CSMD2: variants seen among roughly 807,000 people sequenced by gnomAD.
The protein encoded by CSMD2 is CUB and sushi domain-containing protein 2.
CSMD2 carries 130 observed loss-of-function variants against 398.5 expected under a neutral mutation model. The observed-to-expected ratio is 0.33, with a 90% confidence interval of 0.28 to 0.38. The LOEUF is 0.38. Among genes scored for constraint, CSMD2 ranks in the 10% least tolerant of loss-of-function variants. CSMD2 has a pLI of 1.00. For synonymous variants in CSMD2, 1,828 were observed against 1,908.5 expected (o/e 0.96, Z 1.10); for missense variants, 3,829 against 4,764.9 (o/e 0.80, Z 5.78).
chr1:33,739,133 C>A lies in CSMD2; in HGVS notation c.2368+7G>T. The stretch of plus-strand genomic sequence containing the variant: ...ATGGCCACTGCTCCCAGCCTGCAGG[C>A]TCGTACCTTCACACCGCAGCACAGC... On this transcript the variant is annotated splice_region_variant and intron_variant, in intron 15 of 70. Coordinates refer to ENST00000373381, the MANE Select transcript of CSMD2 (RefSeq NM_001281956.2). 4 of 1,609,608 alleles carry A rather than the reference C, an allele frequency of 2.5e-6. No individual in the cohort carries two copies. Among genetic ancestry groups the A allele is most frequent in the Non-Finnish European group, 3.4e-6 (4 of 1,178,310 alleles).
In CSMD2 at chr1:33,559,495, G is replaced by T. The variant is rs751613689; in HGVS notation, c.8381-22C>A. On this transcript the variant is annotated intron_variant, in intron 53 of 70. Coordinates refer to ENST00000373381, the MANE Select transcript of CSMD2 (RefSeq NM_001281956.2). This position sits in a 1 kb window ranked among gnomAD's most constrained non-coding sequence, Gnocchi z 4.0. ...ATTGCTGTAACCAAAACAGAAGATA[G>T]GTAAGCCCTCCTACTATTCCACACC... The T allele has an allele frequency of 2.0e-5, 31 of 1,534,998 alleles. No individual in the cohort carries two copies. In the South Asian group the frequency reaches 3.6e-4, roughly 18 times the overall value.
intron 66 of CSMD2, among the ~76,000 whole-genome samples, chr1:33,523,725 A>G (rs72887272): frequency 0.011 from 1,667 of 152,326 alleles, 32 homozygotes; most frequent in African/African-American, 0.037. Context: ...TAATCTGTCC[A>G]CTAATGCATA....
chr1:33,733,624 C>T (rs766893410), intron 15 of CSMD2, among the ~76,000 whole-genome samples: 6 of 152,238 alleles, frequency 3.9e-5, no homozygotes, highest in African/African-American at 9.6e-5. Context: ...TGGAGGTAAT[C>T]GGATCATGGG....
intron 25 of CSMD2, among the ~76,000 whole-genome samples, chr1:33,684,841 C>G (rs1444859293): frequency 6.6e-6 from 1 of 152,238 alleles, no homozygotes; most frequent in Admixed American, 6.5e-5. Flanking sequence ...CTCGCAGACA[C>G]TTTTCTATTG....
chr1:33,749,115 T>TTTTTC (rs1647823464), intron 13 of CSMD2, among the ~76,000 whole-genome samples: 1 of 147,326 alleles, frequency 6.8e-6, no homozygotes, highest in African/African-American at 2.5e-5. Context: ...TTTTTTTTTT[T>TTTTTC]TTGAGACGGA....
intron 12 of CSMD2, among the ~76,000 whole-genome samples, chr1:33,775,411 GTTT>G (rs933250936): frequency 6.6e-6 from 1 of 151,744 alleles, no homozygotes; most frequent in Non-Finnish European, 1.5e-5. Context: ...TAATTGCTGA[GTTT>G]TTTTTTCCCC....
chr1:33,692,117 T>A (rs1365687866), intron 25 of CSMD2, among the ~76,000 whole-genome samples: 1 of 152,226 alleles, frequency 6.6e-6, no homozygotes, highest in Non-Finnish European at 1.5e-5. Context: ...AATGCCTATT[T>A]GTTATTAGGG....
chr1:33,751,335 T>C lies in CSMD2; in HGVS notation c.1847-7729A>G, dbSNP rs524507. Among the ~76,000 whole-genome samples, 1,462 of 152,232 alleles carry C rather than the reference T, an allele frequency of 9.6e-3. 22 individuals are homozygous for C. Among genetic ancestry groups the C allele is most frequent in the African/African-American group, 0.033 (1,381 of 41,522 alleles). On this transcript the variant is annotated intron_variant, in intron 13 of 70. Coordinates refer to ENST00000373381, the MANE Select transcript of CSMD2 (RefSeq NM_001281956.2). ...GTCATACAGACAAGGAAAGAGGGTT[T>C]CCAGAAGGAGGAAGGGACATCTGTT...
At chr1:34,016,913 G>A (rs1470385120) in intron 3 of CSMD2, among the ~76,000 whole-genome samples, 1 of 152,062 alleles carries the variant, frequency 6.6e-6, no homozygotes, top group Non-Finnish European at 1.5e-5. Flanking sequence ...GGGCTATATT[G>A]TATTTCACAG....
intron 22 of CSMD2, among the ~76,000 whole-genome samples, chr1:33,708,591 CTTA>C (rs59695412): frequency 2.1e-5 from 3 of 141,082 alleles, no homozygotes; most frequent in South Asian, 2.4e-4. Context: ...TCCAACCGAA[CTTA>C]TTATTATTAT....
intron 32 of CSMD2, among the ~76,000 whole-genome samples, chr1:33,629,612 C>T (rs1367558053): frequency 6.6e-6 from 1 of 152,096 alleles, no homozygotes. Flanking sequence ...GGTCCTTAAG[C>T]TTTTTCTCCC....
chr1:33,685,354 C>T (rs1414604568), intron 25 of CSMD2, among the ~76,000 whole-genome samples: 4 of 152,218 alleles, frequency 2.6e-5, no homozygotes, highest in African/African-American at 4.8e-5. Context: ...TCATTCCTAA[C>T]TGATATAATT....
chr1:33,867,685 CTT>C (rs1448507396), intron 5 of CSMD2, among the ~76,000 whole-genome samples: 2 of 152,208 alleles, frequency 1.3e-5, no homozygotes, highest in Non-Finnish European at 2.9e-5. Context: ...TTACCAATCT[CTT>C]GTTACCAACA....
At chr1:33,953,191 T>C (rs1438015270) in intron 3 of CSMD2, among the ~76,000 whole-genome samples, 1 of 152,198 alleles carries the variant, frequency 6.6e-6, no homozygotes, top group Non-Finnish European at 1.5e-5. Context: ...ATTGGCTGGA[T>C]GTTGTTGATC....
At chr1:33,884,641 T>A (rs1241538593) in intron 5 of CSMD2, 2 of 152,346 alleles carry the variant, frequency 1.3e-5, no homozygotes, top group Non-Finnish European at 2.9e-5. Flanking sequence ...CATCCTTCCA[T>A]CCTGTACTCC....
chr1:33,690,618 CTT>C (rs1306750790), intron 25 of CSMD2, among the ~76,000 whole-genome samples: 5 of 152,234 alleles, frequency 3.3e-5, no homozygotes, highest in African/African-American at 1.2e-4. Context: ...GGGAAAACCT[CTT>C]GATTTGCACA....
At chr1:33,546,505 C>A (rs1323612226) in intron 56 of CSMD2, among the ~76,000 whole-genome samples, 1 of 152,226 alleles carries the variant, frequency 6.6e-6, no homozygotes, top group Non-Finnish European at 1.5e-5. Flanking sequence ...GTGATCCAAA[C>A]TGGCCACAGG....
At chr1:33,517,391 T>C (rs975929488) in intron 70 of CSMD2, among the ~76,000 whole-genome samples, 2 of 152,160 alleles carry the variant, frequency 1.3e-5, no homozygotes, top group East Asian at 3.9e-4. Context: ...CACCAGCACC[T>C]GGAACCCAGC....
At chr1:33,808,722 A>G (rs185027545) in intron 10 of CSMD2, among the ~76,000 whole-genome samples, 37 of 152,022 alleles carry the variant, frequency 2.4e-4, no homozygotes, top group Non-Finnish European at 3.8e-4. Flanking sequence ...AGAAGGAAGA[A>G]AGTAATAAAG....
Sources: gnomAD v4.1 joint callset for allele counts (sites outside exome capture counted in the v4.1 genomes callset) on GRCh38, gnomAD v4.1.1 for gene constraint, Gnocchi (gnomAD v3.1) non-coding constraint, MANE v1.5 for transcripts, NCBI Gene and HGNC (gene_info 2026-07-23, HGNC 2026-07-21) for gene names.